Variants in ROBO2 observed in about 807,000 individuals in gnomAD.
ROBO2 encodes the protein roundabout homolog 2.
In ROBO2, 53 loss-of-function variants were observed where a neutral mutation model predicts 160.8. The observed-to-expected ratio is 0.33, with a 90% CI of 0.26 to 0.41. The LOEUF (loss-of-function observed/expected upper bound fraction) is 0.41. Ranked by LOEUF, ROBO2 falls within the 10% of genes least tolerant of loss-of-function variation. The pLI is 1.00. For missense variants in ROBO2, 1,577 were observed against 1,722.4 expected (o/e 0.92, Z 1.49); for synonymous variants, 664 against 611.7 (o/e 1.09, Z -1.26).
chr3:77,524,734 G>T (rs372118249), intron 6 of ROBO2, among the ~76,000 whole-genome samples: 32 of 151,254 alleles, frequency 2.1e-4, no homozygotes, highest in African/African-American at 7.7e-4. Context: ...CCTCATGCGG[G>T]GATGTTTGAA....
chr3:77,352,376 G>T (rs2068475875), intron 2 of ROBO2, among the ~76,000 whole-genome samples: 2 of 152,168 alleles, frequency 1.3e-5, no homozygotes, highest in African/African-American at 4.8e-5. Flanking sequence ...TTTCGTGGAA[G>T]ATATTCTCAT....
At chr3:77,076,577 C>T (rs1310781547) in intron 1 of ROBO2, among the ~76,000 whole-genome samples, 1 of 152,018 alleles carries the variant, frequency 6.6e-6, no homozygotes, top group Non-Finnish European at 1.5e-5. Flanking sequence ...CACCAACCAC[C>T]TATAAATTAT....
At chr3:76,877,243 T>C (rs1178440521) in intron 2 of ROBO2, among the ~76,000 whole-genome samples, 1 of 152,080 alleles carries the variant, frequency 6.6e-6, no homozygotes, top group Admixed American at 6.6e-5. Context: ...TAGCTTAAGG[T>C]TTTTCTTAGA....
At chr3:77,484,397 A>C (rs1025863374) in intron 4 of ROBO2, among the ~76,000 whole-genome samples, 1 of 152,174 alleles carries the variant, frequency 6.6e-6, no homozygotes, top group South Asian at 2.1e-4. Flanking sequence ...AATGATTTTT[A>C]AGTGTTTATG....
intron 2 of ROBO2, among the ~76,000 whole-genome samples, chr3:76,760,816 T>C (rs1433697426): frequency 6.6e-6 from 1 of 151,810 alleles, no homozygotes; most frequent in African/African-American, 2.4e-5. Context: ...TCAATTTTAT[T>C]AGTTTTAGAG....
intron 2 of ROBO2, among the ~76,000 whole-genome samples, chr3:76,113,398 G>A (rs544172653): frequency 1.3e-5 from 2 of 152,164 alleles, no homozygotes; most frequent in South Asian, 4.1e-4. Context: ...CTTGAAGACA[G>A]AGGTCTTTAT....
chr3:75,958,367 T>C (rs138702826), intron 2 of ROBO2, among the ~76,000 whole-genome samples: 2,886 of 151,926 alleles, frequency 0.019, 38 homozygotes, highest in South Asian at 0.033. Context: ...ATATACCCTG[T>C]TAAATCAGAC....
chr3:76,976,442 G>A (rs1282497544), intron 2 of ROBO2, among the ~76,000 whole-genome samples: 1 of 152,128 alleles, frequency 6.6e-6, no homozygotes, highest in East Asian at 1.9e-4. Context: ...TTTACAAACC[G>A]TATTTGAATG....
At chr3:76,601,937 T>C (rs1239663929) in intron 2 of ROBO2, among the ~76,000 whole-genome samples, 1 of 152,186 alleles carries the variant, frequency 6.6e-6, no homozygotes, top group African/African-American at 2.4e-5. Context: ...ACCCAAGTCA[T>C]CTGTTGAATG....
intron 2 of ROBO2, among the ~76,000 whole-genome samples, chr3:76,509,315 T>A (rs1270245866): frequency 6.6e-6 from 1 of 152,136 alleles, no homozygotes; most frequent in Non-Finnish European, 1.5e-5. Context: ...TGATAAATTT[T>A]ACTCACCCCT....
chr3:76,887,584 T>A (rs1362263426), intron 2 of ROBO2, among the ~76,000 whole-genome samples: 2 of 152,064 alleles, frequency 1.3e-5, no homozygotes, highest in Non-Finnish European at 2.9e-5. Context: ...TCTTATTAAA[T>A]AGAGATTCCT....
At chr3:77,132,493 A>T (rs1279352091) in intron 2 of ROBO2, among the ~76,000 whole-genome samples, 1 of 152,066 alleles carries the variant, frequency 6.6e-6, no homozygotes, top group East Asian at 1.9e-4. Flanking sequence ...ATCATATTTT[A>T]AGCAATATTA....
intron 2 of ROBO2, among the ~76,000 whole-genome samples, chr3:76,965,527 C>T (rs1300877664): frequency 6.6e-6 from 1 of 152,114 alleles, no homozygotes; most frequent in Non-Finnish European, 1.5e-5. Flanking sequence ...TGTACCTATG[C>T]TTGTGCCAGA....
chr3:76,200,984 C>T (rs529730974), intron 2 of ROBO2, among the ~76,000 whole-genome samples: 1 of 152,250 alleles, frequency 6.6e-6, no homozygotes, highest in South Asian at 2.1e-4. Flanking sequence ...AAATCATGGT[C>T]ACCTTCCACT....
chr3:76,656,849 C>T (rs890873078), intron 2 of ROBO2, among the ~76,000 whole-genome samples: 7 of 152,176 alleles, frequency 4.6e-5, no homozygotes, highest in South Asian at 2.1e-4. Context: ...TAACCAATTG[C>T]TTGATTCTCA....
chr3:76,323,367 G>T (rs952939649), intron 2 of ROBO2, among the ~76,000 whole-genome samples: 1 of 151,524 alleles, frequency 6.6e-6, no homozygotes, highest in Non-Finnish European at 1.5e-5. Context: ...TGTATTTTAG[G>T]CTCATTATAG....
At chr3:77,238,194 G>T (rs752192729) in intron 2 of ROBO2, among the ~76,000 whole-genome samples, 1 of 151,824 alleles carries the variant, frequency 6.6e-6, no homozygotes, top group Non-Finnish European at 1.5e-5. Context: ...CTATTCATTC[G>T]CTAGACATCT....
intron 2 of ROBO2, among the ~76,000 whole-genome samples, chr3:76,915,783 T>A (rs751413293): frequency 6.6e-4 from 101 of 152,114 alleles, no homozygotes; most frequent in Non-Finnish European, 1.2e-3. Flanking sequence ...TAAGTAAGTT[T>A]GGGCTGCTAC....
At chr3:77,106,331 C>T (rs1213543600) in intron 2 of ROBO2, among the ~76,000 whole-genome samples, 1 of 152,172 alleles carries the variant, frequency 6.6e-6, no homozygotes, top group Non-Finnish European at 1.5e-5. Flanking sequence ...GTGTGAGCCA[C>T]CGTGCCCGGC....
Sources: gnomAD v4.1 joint callset for allele counts (sites outside exome capture counted in the v4.1 genomes callset) on GRCh38, gnomAD v4.1.1 for gene constraint, MANE v1.5 for transcripts, NCBI Gene and HGNC (gene_info 2026-07-23, HGNC 2026-07-21) for gene names.